The following SYNPR variants were observed in gnomAD, a reference collection of about 807,000 sequenced individuals.
SYNPR encodes synaptoporin.
A neutral mutation model predicts 32.9 loss-of-function variants in SYNPR; 23 were observed. That is an observed-to-expected ratio of 0.70 (90% CI 0.50 to 0.99). The LOEUF (loss-of-function observed/expected upper bound fraction) is 0.99, where lower values mean the gene tolerates loss of function less well. Ranked by LOEUF, SYNPR falls within the 50% of genes least tolerant of loss-of-function variation. The probability of loss-of-function intolerance (pLI) is 0.00; values close to 1 mark genes in which losing one functional copy is unlikely to be tolerated. For synonymous variants in SYNPR, 146 were observed against 135.9 expected (o/e 1.07, Z -0.52); for missense variants, 318 against 349.3 (o/e 0.91, Z 0.71).
chr3:63,485,815 A>G (rs1221175406), intron 3 of SYNPR, among the ~76,000 whole-genome samples: 1 of 152,190 alleles, frequency 6.6e-6, no homozygotes, highest in African/African-American at 2.4e-5. Flanking sequence ...ATCTTCCTTC[A>G]TTTGAGAACA....
intron 4 of SYNPR, among the ~76,000 whole-genome samples, chr3:63,591,248 C>G (rs1212167549): frequency 2.3e-5 from 3 of 130,216 alleles, no homozygotes; most frequent in Non-Finnish European, 4.9e-5. Flanking sequence ...AAATCAAAAC[C>G]ACTATGAGAT....
intron 2 of SYNPR, among the ~76,000 whole-genome samples, chr3:63,401,767 G>A (rs1008575232): frequency 6.6e-5 from 10 of 152,202 alleles, no homozygotes; most frequent in African/African-American, 2.4e-4. Context: ...GTACTTTTTT[G>A]CAGAGCATGA....
the SYNPR span, among the ~76,000 whole-genome samples, chr3:63,204,362 T>A: frequency 6.6e-6 from 1 of 152,160 alleles, no homozygotes. Context: ...TCTCCCTACA[T>A]CTTCATGTGG....
At chr3:63,381,538 A>T (rs2087969711) in intron 2 of SYNPR, among the ~76,000 whole-genome samples, 1 of 152,252 alleles carries the variant, frequency 6.6e-6, no homozygotes, top group Non-Finnish European at 1.5e-5. Context: ...TTCTTCACAG[A>T]ACTGGAAAAA....
At chr3:63,290,004 T>C (rs4688389) in intron 2 of SYNPR, among the ~76,000 whole-genome samples, 70,042 of 151,080 alleles carry the variant, frequency 0.46, 16,399 homozygotes, top group Middle Eastern at 0.52. Context: ...GTGGCGGGTG[T>C]CTGTAGTCCC....
chr3:63,589,572 C>A (rs1443882501), intron 4 of SYNPR, among the ~76,000 whole-genome samples: 5 of 150,994 alleles, frequency 3.3e-5, no homozygotes, highest in African/African-American at 7.3e-5. Context: ...TACTGGCAAA[C>A]CGAATCCAGC....
chr3:63,223,457 C>A (rs2086105201), upstream of SYNPR, among the ~76,000 whole-genome samples: 2 of 151,856 alleles, frequency 1.3e-5, no homozygotes, highest in South Asian at 4.2e-4. Context: ...CTGATGAGAC[C>A]TGGTGGGAGA....
At chr3:63,335,352 C>CA (rs35394118) in intron 2 of SYNPR, among the ~76,000 whole-genome samples, 30,903 of 84,514 alleles carry the variant, frequency 0.37, 5,747 homozygotes, top group Non-Finnish European at 0.45. Context: ...GACTCCGTCT[C>CA]AAAAAAAAAA....
chr3:63,453,033 G>A (rs927281265), intron 2 of SYNPR, among the ~76,000 whole-genome samples: 3 of 152,060 alleles, frequency 2.0e-5, no homozygotes, highest in African/African-American at 7.2e-5. Flanking sequence ...CAGCAGCGTG[G>A]GCATCACCTG....
intron 2 of SYNPR, among the ~76,000 whole-genome samples, chr3:63,309,161 A>G (rs1180737975): frequency 6.6e-6 from 1 of 152,038 alleles, no homozygotes. Context: ...AACTTCAGAA[A>G]TTACAGTTTT....
chr3:63,246,696 T>C (rs771874846), intron 1 of SYNPR, among the ~76,000 whole-genome samples: 14 of 152,050 alleles, frequency 9.2e-5, no homozygotes, highest in Non-Finnish European at 1.8e-4. Context: ...GAATAGCATA[T>C]GCAAACCCTC....
At chr3:63,461,966 A>T (rs1021260272) in intron 2 of SYNPR, among the ~76,000 whole-genome samples, 4 of 152,030 alleles carry the variant, frequency 2.6e-5, no homozygotes, top group African/African-American at 4.8e-5. Context: ...ATTACCAAAG[A>T]GTGACTTATA....
intron 2 of SYNPR, among the ~76,000 whole-genome samples, chr3:63,476,484 T>C (rs1006866568): frequency 1.3e-5 from 2 of 152,116 alleles, no homozygotes; most frequent in Non-Finnish European, 2.9e-5. Context: ...TTCCAGATAA[T>C]GTGATTTTGA....
intron 4 of SYNPR, among the ~76,000 whole-genome samples, chr3:63,576,777 C>G (rs374424637): frequency 8.2e-6 from 1 of 122,368 alleles, no homozygotes; most frequent in Admixed American, 9.1e-5. Flanking sequence ...GGCAACAGAG[C>G]AAGAATACGT....
intron 1 of SYNPR, among the ~76,000 whole-genome samples, chr3:63,246,627 A>G (rs1434385416): frequency 6.6e-6 from 1 of 152,066 alleles, no homozygotes; most frequent in African/African-American, 2.4e-5. Flanking sequence ...TTGAGCACAG[A>G]CCTGAAGTGA....
the SYNPR span, among the ~76,000 whole-genome samples, chr3:63,218,445 G>A: frequency 1.3e-5 from 2 of 152,174 alleles, no homozygotes; most frequent in East Asian, 1.9e-4. Flanking sequence ...CTACTTCTTT[G>A]TGTCCTCCAA....
chr3:63,295,152 C>T (rs953540104), intron 2 of SYNPR, among the ~76,000 whole-genome samples: 42 of 152,080 alleles, frequency 2.8e-4, no homozygotes, highest in Admixed American at 3.9e-4. Flanking sequence ...ATTATGGATT[C>T]GCTTAGCCTC....
intron 2 of SYNPR, among the ~76,000 whole-genome samples, chr3:63,453,850 A>C (rs796462832): frequency 3.9e-5 from 6 of 152,314 alleles, no homozygotes; most frequent in African/African-American, 1.4e-4. Context: ...TGTGGTAAAC[A>C]GTACTACAAT....
chr3:63,489,472 A>G (rs1559514682), intron 3 of SYNPR, among the ~76,000 whole-genome samples: 1 of 152,230 alleles, frequency 6.6e-6, no homozygotes, highest in African/African-American at 2.4e-5. Context: ...GGCAACCAAC[A>G]GCTTCTAATA....
Sources: allele counts gnomAD v4.1 joint callset (sites outside exome capture counted in the v4.1 genomes callset), GRCh38; gene constraint gnomAD v4.1.1; transcripts MANE v1.5; gene names NCBI Gene and HGNC (gene_info 2026-07-23, HGNC 2026-07-21).